THAP10: variants seen among roughly 807,000 people sequenced by gnomAD.
THAP10 encodes THAP domain-containing protein 10.
Under a neutral mutation model 15.7 loss-of-function variants are expected in THAP10, and 10 were observed. That is an observed-to-expected ratio of 0.64 (90% CI 0.39 to 1.08). THAP10 has a LOEUF of 1.08. THAP10 is among the 50% of genes least tolerant of loss of function. The pLI, the probability that THAP10 is intolerant of heterozygous loss-of-function variation, is 0.01. For synonymous variants in THAP10, 127 were observed against 129.1 expected (o/e 0.98, Z 0.11); for missense variants, 310 against 330.9 (o/e 0.94, Z 0.49).
chr15:70,884,552 A>G (rs959453486), intron 1 of THAP10, among the ~76,000 whole-genome samples: 4 of 152,152 alleles, frequency 2.6e-5, no homozygotes, highest in Admixed American at 6.5e-5. Flanking sequence ...AGAAAAAAAA[A>G]AAAGAAAGAA....
intron 1 of THAP10, among the ~76,000 whole-genome samples, chr15:70,887,608 AAG>A (rs998559690): frequency 2.7e-5 from 4 of 145,662 alleles, no homozygotes; most frequent in African/African-American, 1.1e-4. Flanking sequence ...TTTTATTACA[AAG>A]AGAGCTATAA....
At chr15:70,887,786 G>T (rs181837035) in intron 1 of THAP10, among the ~76,000 whole-genome samples, 4 of 152,016 alleles carry the variant, frequency 2.6e-5, no homozygotes, top group Non-Finnish European at 5.9e-5. Flanking sequence ...AATATCAAAC[G>T]CTTTTCTCAG....
chr15:70,884,401 C>T (rs182905696), intron 1 of THAP10, among the ~76,000 whole-genome samples: 138 of 151,986 alleles, frequency 9.1e-4, no homozygotes, highest in South Asian at 3.7e-3. Flanking sequence ...CATGGTGGTA[C>T]ATCAGCTATT....
chr15:70,888,644 C>T (rs556660889), intron 1 of THAP10, among the ~76,000 whole-genome samples: 161 of 152,210 alleles, frequency 1.1e-3, no homozygotes, highest in African/African-American at 3.7e-3. Context: ...TTAAGAACTT[C>T]AGTACATCAA....
chr15:70,890,969 A>G (rs905031485), intron 1 of THAP10, among the ~76,000 whole-genome samples: 1 of 152,194 alleles, frequency 6.6e-6, no homozygotes, highest in African/African-American at 2.4e-5. Context: ...TAATTGCAAG[A>G]TGCCATTAAA....
Position 70,882,444 on chromosome 15 carries a change from T to C in THAP10, c.*10A>G, listed in dbSNP as rs372078971. 11 of 1,598,108 alleles carry C rather than the reference T, an allele frequency of 6.9e-6. No individual in the cohort carries two copies. In the African/African-American group the frequency reaches 9.4e-5, roughly 14 times the overall value. On this transcript the variant is annotated 3_prime_UTR_variant, in exon 3 of 3. Coordinates refer to ENST00000249861, the MANE Select transcript of THAP10 (RefSeq NM_020147.4). ...ATCTATAGCACATCAGAGCATTTGATGTTGAGTTTTTAACATGTTTCTTCT... is the reference window on the plus strand; with the variant it reads ...ATCTATAGCACATCAGAGCATTTGACGTTGAGTTTTTAACATGTTTCTTCT...
chr15:70,882,189 T>C lies in THAP10; in HGVS notation c.*265A>G, dbSNP rs1411590338. Reference sequence around the variant, plus strand: ...TTTTGATTAGGAAGTGTTGCTGATATTGTGGTTTTGCTTTGTAACCTGATT... The same window carrying C: ...TTTTGATTAGGAAGTGTTGCTGATACTGTGGTTTTGCTTTGTAACCTGATT... On this transcript the variant is annotated 3_prime_UTR_variant, in exon 3 of 3. Transcript: ENST00000249861. 2 of 341,096 alleles carry C rather than the reference T, an allele frequency of 5.9e-6. No individual in the cohort carries two copies. The highest frequency in any genetic ancestry group is 1.1e-5 in the Non-Finnish European group (2 of 189,082). 21.1% of individuals were successfully genotyped at this position (341,096 alleles called of 1,614,324 possible). A position where few individuals can be genotyped will look rare whatever the true frequency, so the allele number is the denominator to read the frequency against.
intron 1 of THAP10, among the ~76,000 whole-genome samples, chr15:70,883,340 C>T (rs898675221): frequency 1.3e-4 from 20 of 151,518 alleles, no homozygotes; most frequent in African/African-American, 4.6e-4. Context: ...TACAGGCAGG[C>T]GCCACCACGC....
Position 70,881,350 on chromosome 15 carries a change from A to G in THAP10, c.*1104T>C, listed in dbSNP as rs1289837679. On this transcript the variant is annotated 3_prime_UTR_variant, in exon 3 of 3. Transcript: ENST00000249861. ...TTGTTCAGGCTCACAACTCCTATTA[A>G]TATTTTATTTTATTTTCCTTAAAGC... 1 of 152,226 alleles carries G rather than the reference A, an allele frequency of 6.6e-6. No homozygotes were observed. Among genetic ancestry groups the G allele is most frequent in the Non-Finnish European group, 1.5e-5 (1 of 68,038 alleles). The allele number at this position is 152,226 out of a possible 1,614,324, so 9.4% of individuals were successfully genotyped here. A position where few individuals can be genotyped will look rare whatever the true frequency, so the allele number is the denominator to read the frequency against.
chr15:70,889,872 T>C (rs2033508092), intron 1 of THAP10, among the ~76,000 whole-genome samples: 1 of 152,228 alleles, frequency 6.6e-6, no homozygotes, highest in Non-Finnish European at 1.5e-5. Context: ...AGCCAATTTT[T>C]TAGCGATGTG....
rs1204489972 is a variant in THAP10 at position 70,892,425 on chromosome 15, T to C, written c.-153A>G. On this transcript the variant is annotated 5_prime_UTR_variant, in exon 1 of 3. Coordinates refer to ENST00000249861, the MANE Select transcript of THAP10 (RefSeq NM_020147.4). ...CTTCCCTACCTCTGGTCACCGGAAG[T>C]GGCGATCTGGGGCCCCCAATGGGAG... 1 of 1,537,484 alleles carries C rather than the reference T, an allele frequency of 6.5e-7. No homozygotes were observed. Among genetic ancestry groups the C allele is most frequent in the South Asian group, 1.2e-5 (1 of 83,204 alleles).
chr15:70,888,072 A>G (rs2033457102), intron 1 of THAP10, among the ~76,000 whole-genome samples: 1 of 152,208 alleles, frequency 6.6e-6, no homozygotes, highest in Non-Finnish European at 1.5e-5. Flanking sequence ...ATGTTCATGG[A>G]TTAGAAGAGT....
Position 70,882,865 on chromosome 15 carries a change from T to G in THAP10, c.473A>C (p.Asp158Ala), listed in dbSNP as rs773596354. ...TGAAGTGACAGTATTAGATGGATTA[T>G]CAGCATGGGGTTGGGTTTGCACAAG... ...NELVQTQPHADNPSNTVTSVP... is the reference protein window; with the variant it reads ...NELVQTQPHAANPSNTVTSVP... Residue 158 changes from aspartate to alanine, a missense_variant, in exon 2 of 3, where the codon GAT becomes GCT. Coordinates refer to ENST00000249861, the MANE Select transcript of THAP10 (RefSeq NM_020147.4). 7 of 1,613,998 alleles carry G rather than the reference T, an allele frequency of 4.3e-6. No individual in the cohort carries two copies. In the Admixed American group the frequency reaches 1.0e-4, roughly 23 times the overall value.
intron 1 of THAP10, among the ~76,000 whole-genome samples, chr15:70,886,423 A>T: frequency 6.6e-6 from 1 of 152,318 alleles, no homozygotes; most frequent in Non-Finnish European, 1.5e-5. Context: ...AAAATCAATG[A>T]TATAATTTAA....
chr15:70,891,979 C>CT lies in THAP10; in HGVS notation c.293dup (p.Arg99GlufsTer24), dbSNP rs1331528441. 1 of 1,613,496 alleles carries CT rather than the reference C, an allele frequency of 6.2e-7. No homozygotes were observed. On this transcript the variant is annotated frameshift_variant, in exon 1 of 3. Coordinates refer to ENST00000249861, the MANE Select transcript of THAP10 (RefSeq NM_020147.4). LOFTEE classifies it high-confidence loss of function. ...CTGCTTGGTCTCCCTCCTCTCCCCT[C>CT]TTAGGTGCCGGGGCGGGCACCCGGT... is the stretch of plus-strand genomic sequence containing the variant.
chr15:70,891,877 G>T lies in THAP10; in HGVS notation c.396C>A (p.Arg132=). Residue 132 remains arginine, a synonymous_variant, in exon 1 of 3, where the codon CGC becomes CGA. Transcript: ENST00000249861. The stretch of plus-strand genomic sequence containing the variant: ...CTGCAGCCTGCTTCCCAGCTCGGGG[G>T]CGTGTACAGGAGACTGGACCTGGGG... ...EAAPGPVSCT[R]PRAGKQAAAS... The T allele has an allele frequency of 1.2e-6, 2 of 1,609,558 alleles. No individual in the cohort carries two copies. The highest frequency in any genetic ancestry group is 1.7e-6 in the Non-Finnish European group (2 of 1,178,452).
At chr15:70,886,596 G>A (rs528841944) in intron 1 of THAP10, among the ~76,000 whole-genome samples, 10 of 152,238 alleles carry the variant, frequency 6.6e-5, no homozygotes, top group East Asian at 1.9e-4. Context: ...GGTGGGGTGC[G>A]GTGGCTCACG....
intron 1 of THAP10, among the ~76,000 whole-genome samples, chr15:70,888,952 C>T (rs1469693717): frequency 2.6e-5 from 4 of 152,120 alleles, no homozygotes; most frequent in Admixed American, 6.5e-5. Flanking sequence ...AGAAATCCCA[C>T]GTATAGGCAA....
chr15:70,891,567 CTGTGTGTGTGTGTGTGTGTG>C (rs3220843), intron 1 of THAP10, among the ~76,000 whole-genome samples: 5,210 of 137,042 alleles, frequency 0.038, 116 homozygotes, highest in African/African-American at 0.05. Context: ...GGACAAGACT[CTGTGTGTGTGTGTGTGTGTG>C]TGTGTGTGTG....
Sources: gnomAD v4.1 joint callset for allele counts (sites outside exome capture counted in the v4.1 genomes callset) on GRCh38, gnomAD v4.1.1 for gene constraint, MANE v1.5 for transcripts, NCBI Gene and HGNC (gene_info 2026-07-23, HGNC 2026-07-21) for gene names.